Variants in PRKN observed in about 807,000 individuals in gnomAD.
PRKN encodes E3 ubiquitin-protein ligase parkin.
In PRKN, 56 loss-of-function variants were observed where a neutral mutation model predicts 59.5. The observed-to-expected ratio is 0.94, with a 90% CI of 0.76 to 1.18. The LOEUF (loss-of-function observed/expected upper bound fraction) is 1.18. Ranked by LOEUF, PRKN falls within the 50% of genes most tolerant of loss-of-function variation. The pLI is 0.00. For synonymous variants in PRKN, 250 were observed against 222.1 expected, an observed-to-expected ratio of 1.13 and a Z score of -1.12; for missense variants, 657 against 596.4, an observed-to-expected ratio of 1.10 and a Z score of -1.06.
intron 7 of PRKN, among the ~76,000 whole-genome samples, chr6:161,680,781 T>TGTTTATG (rs1221192517): frequency 1.1e-5 from 1 of 93,806 alleles, no homozygotes; most frequent in African/African-American, 3.8e-5. Context: ...ATATATTTTT[T>TGTTTATG]TTTTTTTTTC....
At chr6:161,911,783 A>G (rs1445674564) in intron 6 of PRKN, among the ~76,000 whole-genome samples, 1 of 152,222 alleles carries the variant, frequency 6.6e-6, no homozygotes, top group Non-Finnish European at 1.5e-5. Flanking sequence ...ATAAAAAATT[A>G]CAAAGTTTAA....
intron 2 of PRKN, among the ~76,000 whole-genome samples, chr6:162,268,118 T>G (rs1318869379): frequency 6.6e-6 from 1 of 152,158 alleles, no homozygotes; most frequent in Non-Finnish European, 1.5e-5. Flanking sequence ...TGCAGACCAT[T>G]ACAGGTTTTG....
At chr6:161,453,287 T>G (rs2115132087) in intron 9 of PRKN, among the ~76,000 whole-genome samples, 1 of 152,308 alleles carries the variant, frequency 6.6e-6, no homozygotes, top group African/African-American at 2.4e-5. Context: ...CTCTTAATCA[T>G]CATGCTATAG....
intron 2 of PRKN, among the ~76,000 whole-genome samples, chr6:162,379,124 T>C (rs10484501): frequency 0.27 from 40,646 of 152,052 alleles, 5,654 homozygotes; most frequent in African/African-American, 0.3. Flanking sequence ...TCTATTTCTC[T>C]CAGAGGTCTA....
chr6:161,476,389 C>A (rs1401368475), intron 9 of PRKN, among the ~76,000 whole-genome samples: 2 of 152,076 alleles, frequency 1.3e-5, no homozygotes, highest in Non-Finnish European at 2.9e-5. Context: ...TTAGTAACTT[C>A]CCCCCGAAGC....
In PRKN at chr6:161,352,755, G is replaced by GTGTGTATATATATATATATATA. The variant is rs766949960; in HGVS notation, c.1286-2545_1286-2544insTATATATATATATATATACACA. On this transcript the variant is annotated intron_variant, in intron 11 of 11. Transcript: ENST00000366898. This position sits in a 1 kb window ranked among gnomAD's most constrained non-coding sequence, Gnocchi z 5.8. ...TGTGTGTGTGTGTGTGTGTGTGTGT[G>GTGTGTATATATATATATATATA]TATATATATATATATATTTTATTTT... Among the ~76,000 whole-genome samples, 11 of 134,364 alleles carry GTGTGTATATATATATATATATA rather than the reference G, an allele frequency of 8.2e-5. No homozygotes were observed. Among genetic ancestry groups the GTGTGTATATATATATATATATA allele is most frequent in the African/African-American group, 3.1e-4 (11 of 35,774 alleles). 88.1% of individuals were successfully genotyped at this position (134,364 alleles called of 152,430 possible).
At chr6:162,258,236 T>A (rs113627318) in intron 3 of PRKN, among the ~76,000 whole-genome samples, 1 of 152,184 alleles carries the variant, frequency 6.6e-6, no homozygotes, top group Non-Finnish European at 1.5e-5. Flanking sequence ...CCAAATAGAA[T>A]AGCTCCGTTG....
rs575570327 is a variant in PRKN, at chr6:162,301,111, T to TA, written c.172-38347dup. 2.7e-3 allele frequency among the ~76,000 whole-genome samples: 412 copies of TA among 151,688 alleles called. 3 individuals carry two copies. The highest frequency in any genetic ancestry group is 6.8e-3 in the Middle Eastern group (2 of 292). ...TTAATTGTATACACATATATCAACA[T>TA]AAAAAAAAGGCCACAGAAATGCAAA... On this transcript the variant is annotated intron_variant, in intron 2 of 11. Coordinates refer to ENST00000366898, the MANE Select transcript of PRKN (RefSeq NM_004562.3).
chr6:161,823,433 C>T lies in PRKN; in HGVS notation c.735-37525G>A, dbSNP rs548938150. Among the ~76,000 whole-genome samples, 3 of 152,192 alleles carry T rather than the reference C, an allele frequency of 2.0e-5. No homozygotes were observed. The East Asian group carries it at 5.8e-4, about 29-fold the overall frequency. On this transcript the variant is annotated intron_variant, in intron 6 of 11. Transcript: ENST00000366898. ...TGGGTGTGATGGGCTGGGTACACTGCAGACACTAGGAGGAATCCAAACAAA... is the reference window on the plus strand; with the variant it reads ...TGGGTGTGATGGGCTGGGTACACTGTAGACACTAGGAGGAATCCAAACAAA...
rs1278917894 is a variant in PRKN at position 162,709,366 on chromosome 6, G to A, written c.7+18296C>T. 9.1e-5 allele frequency among the ~76,000 whole-genome samples: 9 copies of A among 99,092 alleles called. No homozygotes were observed. In the Admixed American group the frequency reaches 1.2e-3, roughly 14 times the overall value. The allele number at this position is 99,092 out of a possible 152,430, so 65.0% of individuals were successfully genotyped here. A position where few individuals can be genotyped will look rare whatever the true frequency, so the allele number is the denominator to read the frequency against. On this transcript the variant is annotated intron_variant, in intron 1 of 11. Transcript: ENST00000366898. ...TACTGGGTATGCCAAGACATCAAGG[G>A]TCTGAACACTTTTTTTTTTTTTTTT...
At chr6:161,422,992 C>T (rs193051678) in intron 9 of PRKN, among the ~76,000 whole-genome samples, 5 of 152,266 alleles carry the variant, frequency 3.3e-5, no homozygotes, top group African/African-American at 1.2e-4. Flanking sequence ...TGCATTCAGA[C>T]ATTTTATTTG....
In PRKN at chr6:161,844,071, C is replaced by T. The variant is rs536136297; in HGVS notation, c.735-58163G>A. On this transcript the variant is annotated intron_variant, in intron 6 of 11. Transcript: ENST00000366898. ...AAGAAAATTTAGAATAGTTAGCAGC[C>T]GAGATAATGAATAAGAATTTTCAGT... 5.9e-5 allele frequency among the ~76,000 whole-genome samples: 9 copies of T among 152,052 alleles called. No homozygotes were observed. The South Asian group carries it at 1.0e-3, about 18-fold the overall frequency.
intron 7 of PRKN, among the ~76,000 whole-genome samples, chr6:161,652,498 G>A (rs1784185845): frequency 6.6e-6 from 1 of 152,026 alleles, no homozygotes; most frequent in South Asian, 2.1e-4. Context: ...TCACACATAG[G>A]GGTTTATGTT....
At chr6:162,085,068 G>C (rs199587076) in intron 4 of PRKN, among the ~76,000 whole-genome samples, 1 of 59,854 alleles carries the variant, frequency 1.7e-5, no homozygotes, top group Non-Finnish European at 3.2e-5. Context: ...CACACACAAA[G>C]AGAGAGACTC....
chr6:162,416,657 T>C (rs930325562), intron 2 of PRKN, among the ~76,000 whole-genome samples: 1 of 152,216 alleles, frequency 6.6e-6, no homozygotes, highest in African/African-American at 2.4e-5. Context: ...TGTAGTTAAA[T>C]AAAAAGTATA....
intron 7 of PRKN, among the ~76,000 whole-genome samples, chr6:161,680,333 A>G (rs1291991579): frequency 1.3e-5 from 2 of 152,124 alleles, no homozygotes; most frequent in Non-Finnish European, 2.9e-5. Flanking sequence ...GCCTTAATAA[A>G]CAAATAAATA....
chr6:162,363,131 CAA>C (rs34722234), intron 2 of PRKN, among the ~76,000 whole-genome samples: 1,377 of 98,398 alleles, frequency 0.014, 11 homozygotes, highest in African/African-American at 0.031. Flanking sequence ...CCTTCTCAAA[CAA>C]AAAAAAAAAA....
At chr6:162,087,559 G>A (rs1314193348) in intron 4 of PRKN, among the ~76,000 whole-genome samples, 2 of 151,466 alleles carry the variant, frequency 1.3e-5, no homozygotes, top group Non-Finnish European at 2.9e-5. Context: ...TGGGTGAGTG[G>A]AGGGCCTACA....
intron 1 of PRKN, among the ~76,000 whole-genome samples, chr6:162,543,063 G>T (rs1332766577): frequency 6.6e-6 from 1 of 152,174 alleles, no homozygotes; most frequent in Non-Finnish European, 1.5e-5. Context: ...AAGACAGTCA[G>T]TTGGTGTCCC....
Sources: allele counts gnomAD v4.1 joint callset (sites outside exome capture counted in the v4.1 genomes callset), GRCh38; gene constraint gnomAD v4.1.1; non-coding constraint Gnocchi (gnomAD v3.1); transcripts MANE v1.5; gene names NCBI Gene and HGNC (gene_info 2026-07-23, HGNC 2026-07-21).